The following ALCAM variants were observed in gnomAD, a reference collection of about 807,000 sequenced individuals.
ALCAM encodes the protein activated leukocyte cell adhesion molecule.
ALCAM carries 30 observed loss-of-function variants against 70.9 expected under a neutral mutation model. The ratio of observed to expected loss-of-function variants is 0.42; its 90% CI spans 0.32 to 0.57. ALCAM has a LOEUF of 0.57. ALCAM is among the 20% of genes least tolerant of loss of function. The probability of loss-of-function intolerance (pLI) is 0.11; values close to 1 mark genes in which losing one functional copy is unlikely to be tolerated. For synonymous variants in ALCAM, 249 were observed against 242.5 expected (o/e 1.03, Z -0.25); for missense variants, 591 against 695.1 (o/e 0.85, Z 1.68).
chr3:105,458,862 T>C (rs892852804), intron 1 of ALCAM, among the ~76,000 whole-genome samples: 17 of 152,172 alleles, frequency 1.1e-4, no homozygotes, highest in African/African-American at 4.1e-4. Context: ...ATTGCAGAAA[T>C]ACCCTATTTG....
intron 1 of ALCAM, among the ~76,000 whole-genome samples, chr3:105,443,502 A>G (rs1192245916): frequency 1.3e-5 from 2 of 152,242 alleles, no homozygotes; most frequent in Non-Finnish European, 2.9e-5. Context: ...AATAATAATA[A>G]GAGATATACA....
At position 105,451,621 on chromosome 3, in the gene ALCAM, G is replaced by A. The variant is rs140355411; in HGVS notation, c.74-68446G>A. On this transcript the variant is annotated intron_variant, in intron 1 of 15. Transcript: ENST00000306107. ...AAAAGCATTAAAAAAGATAAAGAGA[G>A]TCAATAAATAATGCTAAGAGGTTCA... is the stretch of plus-strand genomic sequence containing the variant. Among the ~76,000 whole-genome samples, 795 of 152,176 alleles carry A rather than the reference G, an allele frequency of 5.2e-3. 5 individuals carry two copies. The highest frequency in any genetic ancestry group is 0.018 in the African/African-American group (736 of 41,544).
At chr3:105,571,800 A>G in intron 14 of ALCAM, 52 bp from the exon 15 acceptor site, 1 of 1,287,662 alleles carries the variant, frequency 7.8e-7, no homozygotes, top group Non-Finnish European at 1.1e-6. Context: ...TTAAATATAA[A>G]AGTTGAACAT....
chr3:105,393,184 C>T (rs149326464), intron 1 of ALCAM, among the ~76,000 whole-genome samples: 80 of 151,490 alleles, frequency 5.3e-4, no homozygotes, highest in African/African-American at 1.9e-3. Flanking sequence ...ATTTTTATTG[C>T]CATTCTTATA....
chr3:105,458,457 G>A (rs922143984), intron 1 of ALCAM, among the ~76,000 whole-genome samples: 3 of 152,160 alleles, frequency 2.0e-5, no homozygotes, highest in Non-Finnish European at 4.4e-5. Context: ...AATCATGCCA[G>A]AAATAAAGGC....
chr3:105,389,754 A>C (rs1377268834), intron 1 of ALCAM, among the ~76,000 whole-genome samples: 2 of 145,624 alleles, frequency 1.4e-5, no homozygotes, highest in Non-Finnish European at 3.0e-5. Flanking sequence ...CCCCCTCAAC[A>C]GGTCCCATTG....
intron 1 of ALCAM, among the ~76,000 whole-genome samples, chr3:105,488,693 G>A (rs1182176904): frequency 6.9e-6 from 1 of 144,592 alleles, no homozygotes; most frequent in Non-Finnish European, 1.5e-5. Context: ...GGGAAGGAAA[G>A]GAAAGAAGGG....
chr3:105,512,724 CAG>C (rs1490704202), intron 1 of ALCAM, among the ~76,000 whole-genome samples: 1 of 151,670 alleles, frequency 6.6e-6, no homozygotes, highest in Non-Finnish European at 1.5e-5. Context: ...GAAAATGAAT[CAG>C]GGGAGAGGGG....
At chr3:105,477,395 A>G (rs982618681) in intron 1 of ALCAM, among the ~76,000 whole-genome samples, 5 of 152,132 alleles carry the variant, frequency 3.3e-5, no homozygotes, top group Non-Finnish European at 5.9e-5. Context: ...TGTTGAATAC[A>G]TAATTCTAGC....
chr3:105,546,430 C>T (rs1211781732), intron 9 of ALCAM, among the ~76,000 whole-genome samples: 1 of 151,430 alleles, frequency 6.6e-6, no homozygotes, highest in African/African-American at 2.4e-5. Context: ...ATTGTACTCT[C>T]TTTCAGCCAC....
At chr3:105,547,624 G>T (rs988526926) in intron 11 of ALCAM, 101 bp downstream of exon 11, 9 of 1,459,182 alleles carry the variant, frequency 6.2e-6, no homozygotes, top group South Asian at 1.4e-5. Flanking sequence ...CATAAAATTT[G>T]CAGTGTGTAG....
chr3:105,484,941 C>CT (rs954385948), intron 1 of ALCAM, among the ~76,000 whole-genome samples: 6 of 150,998 alleles, frequency 4.0e-5, no homozygotes, highest in East Asian at 1.9e-4. Flanking sequence ...TGGAAGAATT[C>CT]TTTTTTTTTG....
At chr3:105,524,545 T>C (rs9875739) in intron 3 of ALCAM, 37 bp downstream of exon 3, 133,756 of 1,612,110 alleles carry the variant, frequency 0.083, 6,501 homozygotes, top group African/African-American at 0.18. Context: ...CTAAGTGGGA[T>C]TGATGGCCAG....
At chr3:105,442,098 A>T (rs530210826) in intron 1 of ALCAM, among the ~76,000 whole-genome samples, 1 of 152,312 alleles carries the variant, frequency 6.6e-6, no homozygotes, top group African/African-American at 2.4e-5. Context: ...TGGGAAGAGT[A>T]AACAGTTGGA....
intron 1 of ALCAM, among the ~76,000 whole-genome samples, chr3:105,413,009 G>A (rs537482027): frequency 6.6e-6 from 1 of 152,004 alleles, no homozygotes; most frequent in South Asian, 2.1e-4. Context: ...CTTAAGTTTT[G>A]CTTGGGTTCT....
intron 1 of ALCAM, among the ~76,000 whole-genome samples, chr3:105,483,143 G>T (rs924063630): frequency 1.1e-4 from 16 of 152,076 alleles, no homozygotes; most frequent in African/African-American, 3.4e-4. Flanking sequence ...TATGCCTACT[G>T]CTGGAAGATA....
intron 1 of ALCAM, among the ~76,000 whole-genome samples, chr3:105,464,327 T>C (rs1229169329): frequency 2.6e-5 from 4 of 151,124 alleles, no homozygotes; most frequent in Non-Finnish European, 5.9e-5. Flanking sequence ...ATAAAATTTC[T>C]ATATACAAAG....
intron 6 of ALCAM, among the ~76,000 whole-genome samples, chr3:105,536,579 T>C (rs1239204193): frequency 6.6e-6 from 1 of 152,130 alleles, no homozygotes; most frequent in African/African-American, 2.4e-5. Flanking sequence ...CTTGAATGGA[T>C]ACGAAGAAAA....
rs369257990 is a variant in ALCAM, at chr3:105,516,891, C to T, written c.74-3176C>T. ...GTAGTGCCCGATAATCTCTAGGCTA[C>T]AAAACCATGAATAATTTAACTAACA... On this transcript the variant is annotated intron_variant, in intron 1 of 15. Transcript: ENST00000306107. Among the ~76,000 whole-genome samples the T allele has an allele frequency of 4.6e-5, 7 of 152,136 alleles. No homozygotes were observed. In the South Asian group the frequency reaches 1.4e-3, roughly 31 times the overall value.
Sources: allele counts gnomAD v4.1 joint callset (sites outside exome capture counted in the v4.1 genomes callset), GRCh38; gene constraint gnomAD v4.1.1; transcripts MANE v1.5; gene names NCBI Gene and HGNC (gene_info 2026-07-23, HGNC 2026-07-21).